LIPI: variants seen among roughly 807,000 people sequenced by gnomAD.
LIPI encodes the protein lipase member I.
A neutral mutation model predicts 50.6 loss-of-function variants in LIPI; 59 were observed. The observed-to-expected ratio is 1.16, with a 90% confidence interval of 0.94 to 1.45. The LOEUF (loss-of-function observed/expected upper bound fraction) is 1.45, where lower values mean the gene tolerates loss of function less well. LIPI is among the 40% of genes most tolerant of loss of function. The pLI is 0.00. For missense variants in LIPI, 586 were observed against 536.3 expected, an observed-to-expected ratio of 1.09 and a Z score of -0.92; for synonymous variants, 203 against 178.2, an observed-to-expected ratio of 1.14 and a Z score of -1.11.
At chr21:14,189,009 T>C in intron 2 of LIPI, 25 bp downstream of exon 2, 1 of 1,570,678 alleles carries the variant, frequency 6.4e-7, no homozygotes, top group Non-Finnish European at 8.7e-7. Flanking sequence ...ATAGCATGTA[T>C]AATACATAAA....
intron 2 of LIPI, 22 bp downstream of exon 2, chr21:14,189,012 T>C (rs1452608058): frequency 6.3e-7 from 1 of 1,576,914 alleles, no homozygotes; most frequent in South Asian, 1.1e-5. Flanking sequence ...GCATGTATAA[T>C]ACATAAAATT....
intron 1 of LIPI, among the ~76,000 whole-genome samples, chr21:14,203,800 T>C (rs892827361): frequency 1.3e-5 from 2 of 151,664 alleles, no homozygotes; most frequent in Admixed American, 6.6e-5. Flanking sequence ...TGTATACATA[T>C]GTAACTAACC....
At chr21:14,200,175 C>A (rs948071433) in intron 1 of LIPI, among the ~76,000 whole-genome samples, 12 of 152,064 alleles carry the variant, frequency 7.9e-5, no homozygotes, top group Admixed American at 7.9e-4. Flanking sequence ...TGAAAGCATT[C>A]CCCTTGAAAA....
At chr21:14,120,390 G>A (rs1163134082) in intron 9 of LIPI, among the ~76,000 whole-genome samples, 2 of 152,162 alleles carry the variant, frequency 1.3e-5, no homozygotes, top group South Asian at 4.2e-4. Flanking sequence ...ATATGCTTTT[G>A]CCACCTTGCA....
intron 4 of LIPI, among the ~76,000 whole-genome samples, chr21:14,169,761 G>C (rs1451582685): frequency 6.6e-6 from 1 of 152,046 alleles, no homozygotes; most frequent in African/African-American, 2.4e-5. Context: ...AGAGAAAGCA[G>C]GAAAGATCCA....
chr21:14,126,923 G>T (rs937993521), intron 9 of LIPI, among the ~76,000 whole-genome samples: 1 of 152,120 alleles, frequency 6.6e-6, no homozygotes, highest in Non-Finnish European at 1.5e-5. Context: ...TGATTGGGGT[G>T]GTGATTATAT....
At chr21:14,116,180 C>G (rs905422558) in intron 9 of LIPI, among the ~76,000 whole-genome samples, 5 of 152,022 alleles carry the variant, frequency 3.3e-5, no homozygotes, top group African/African-American at 1.2e-4. Flanking sequence ...ATGAGGAGTC[C>G]TAGGGCAGGG....
Position 14,108,971 on chromosome 21 carries a change from G to T in LIPI, c.*22C>A, listed in dbSNP as rs1309963020. 1 of 1,610,616 alleles carries T rather than the reference G, an allele frequency of 6.2e-7. No individual in the cohort carries two copies. Among genetic ancestry groups the T allele is most frequent in the East Asian group, 2.2e-5 (1 of 44,700 alleles). On this transcript the variant is annotated 3_prime_UTR_variant, in exon 10 of 10. Transcript: ENST00000681601. Reference sequence around the variant, plus strand: ...CAAGTCCATTAATTCACAAGCAAGTGCATTTGATGGAAGAAGGCATCTTAT... The same window carrying T: ...CAAGTCCATTAATTCACAAGCAAGTTCATTTGATGGAAGAAGGCATCTTAT...
intron 9 of LIPI, among the ~76,000 whole-genome samples, chr21:14,142,042 A>G (rs548836826): frequency 6.6e-6 from 1 of 152,312 alleles, no homozygotes; most frequent in Non-Finnish European, 1.5e-5. Context: ...CAAGGGGACA[A>G]CAACCCCTGT....
At chr21:14,118,210 A>G (rs991464970) in intron 9 of LIPI, among the ~76,000 whole-genome samples, 3 of 152,108 alleles carry the variant, frequency 2.0e-5, no homozygotes, top group Admixed American at 1.3e-4. Flanking sequence ...GACTACCTTG[A>G]AGACTGAGAC....
intron 9 of LIPI, among the ~76,000 whole-genome samples, chr21:14,111,970 CAATAGGT>C (rs1489242271): frequency 1.1e-4 from 16 of 151,920 alleles, no homozygotes. Flanking sequence ...ATGTTGTACT[CAATAGGT>C]AATTTTTCAA....
chr21:14,122,854 C>T (rs1237277534), intron 9 of LIPI, among the ~76,000 whole-genome samples: 1 of 152,186 alleles, frequency 6.6e-6, no homozygotes, highest in African/African-American at 2.4e-5. Flanking sequence ...ATTAAAAAGA[C>T]TCAATGAGCT....
chr21:14,186,669 G>A (rs1487773371), intron 2 of LIPI, among the ~76,000 whole-genome samples: 5 of 152,150 alleles, frequency 3.3e-5, no homozygotes, highest in Admixed American at 3.3e-4. Flanking sequence ...AATCCCCAAG[G>A]TGATGATATT....
intron 7 of LIPI, among the ~76,000 whole-genome samples, chr21:14,153,154 T>G (rs1255409646): frequency 6.6e-6 from 1 of 152,132 alleles, no homozygotes; most frequent in Non-Finnish European, 1.5e-5. Context: ...ATATATAAGG[T>G]AAGGTCATAG....
chr21:14,137,879 T>C (rs1271849811), intron 9 of LIPI, among the ~76,000 whole-genome samples: 3 of 152,042 alleles, frequency 2.0e-5, no homozygotes, highest in African/African-American at 7.2e-5. Flanking sequence ...ACAAATAAAA[T>C]GTTATGGAGC....
chr21:14,155,116 G>A (rs1367670037), intron 7 of LIPI, among the ~76,000 whole-genome samples: 2 of 151,980 alleles, frequency 1.3e-5, no homozygotes, highest in Non-Finnish European at 1.5e-5. Flanking sequence ...AAGAAAAAAT[G>A]AAGTTACAGA....
At chr21:14,127,209 A>C (rs1568836923) in intron 9 of LIPI, among the ~76,000 whole-genome samples, 1 of 152,240 alleles carries the variant, frequency 6.6e-6, no homozygotes, top group Non-Finnish European at 1.5e-5. Context: ...ACCATAAGGC[A>C]TCACATTTTT....
At chr21:14,136,584 G>C (rs2017507387) in intron 9 of LIPI, among the ~76,000 whole-genome samples, 1 of 152,142 alleles carries the variant, frequency 6.6e-6, no homozygotes, top group Non-Finnish European at 1.5e-5. Flanking sequence ...TAAGGTTTTT[G>C]ACTCTAGTCG....
chr21:14,122,748 A>G (rs746249125), intron 9 of LIPI, among the ~76,000 whole-genome samples: 2 of 152,222 alleles, frequency 1.3e-5, no homozygotes, highest in Non-Finnish European at 2.9e-5. Flanking sequence ...TAATTTGACC[A>G]TATTAAAGCC....
Sources: gnomAD v4.1 joint callset for allele counts (sites outside exome capture counted in the v4.1 genomes callset) on GRCh38, gnomAD v4.1.1 for gene constraint, MANE v1.5 for transcripts, NCBI Gene and HGNC (gene_info 2026-07-23, HGNC 2026-07-21) for gene names.